Variants in ZNF516 observed in about 807,000 individuals in gnomAD.
ZNF516 encodes zinc finger protein 516.
A neutral mutation model predicts 79.7 loss-of-function variants in ZNF516; 19 were observed. The ratio of observed to expected loss-of-function variants is 0.24; its 90% CI spans 0.17 to 0.35. The LOEUF (loss-of-function observed/expected upper bound fraction) is 0.35. Among genes scored for constraint, ZNF516 ranks in the 10% least tolerant of loss-of-function variants. The pLI is 1.00. For synonymous variants in ZNF516, 877 were observed against 739.5 expected, an observed-to-expected ratio of 1.19 and a Z score of -3.02; for missense variants, 1,678 against 1,679.5, an observed-to-expected ratio of 1.00 and a Z score of 0.02.
chr18:76,473,355 CAA>C (rs35092154), intron 1 of ZNF516, among the ~76,000 whole-genome samples: 38,481 of 88,696 alleles, frequency 0.43, 3,637 homozygotes, highest in African/African-American at 0.52. Context: ...TTGCTCTCTG[CAA>C]AAAAAAAAAA....
At chr18:76,464,501 C>A (rs139910063) in intron 1 of ZNF516, among the ~76,000 whole-genome samples, 85 of 152,364 alleles carry the variant, frequency 5.6e-4, no homozygotes, top group African/African-American at 2.0e-3. Flanking sequence ...GTGCAGAGCC[C>A]CCAGACCTAT....
intron 3 of ZNF516, among the ~76,000 whole-genome samples, chr18:76,417,987 G>T (rs74641175): frequency 6.6e-6 from 1 of 152,058 alleles, no homozygotes; most frequent in African/African-American, 2.4e-5. Flanking sequence ...TAGCTTTTTC[G>T]GTAAAAATAA....
chr18:76,397,833 A>C (rs1365899546), intron 3 of ZNF516, among the ~76,000 whole-genome samples: 2 of 152,180 alleles, frequency 1.3e-5, no homozygotes, highest in African/African-American at 4.8e-5. Flanking sequence ...TCCTGGGCTC[A>C]AGTGATCCTC....
At chr18:76,389,810 C>T (rs1257276304) in intron 3 of ZNF516, among the ~76,000 whole-genome samples, 1 of 152,132 alleles carries the variant, frequency 6.6e-6, no homozygotes, top group African/African-American at 2.4e-5. Flanking sequence ...CTTACACAGC[C>T]ATCACTGCCC....
chr18:76,403,633 T>C (rs1330016457), intron 3 of ZNF516, among the ~76,000 whole-genome samples: 2 of 152,124 alleles, frequency 1.3e-5, no homozygotes, highest in African/African-American at 4.8e-5. Context: ...CACCCATGAA[T>C]CCACCATTCT....
intron 3 of ZNF516, among the ~76,000 whole-genome samples, chr18:76,404,288 G>A (rs142315616): frequency 3.0e-4 from 45 of 152,378 alleles, no homozygotes; most frequent in African/African-American, 1.0e-3. Context: ...GGGAGACGAC[G>A]TGATCCCACT....
At chr18:76,481,777 T>C (rs554301639) in intron 1 of ZNF516, among the ~76,000 whole-genome samples, 1 of 152,366 alleles carries the variant, frequency 6.6e-6, no homozygotes, top group African/African-American at 2.4e-5. Flanking sequence ...AACTAGTTAT[T>C]GAGGCATTTG....
intron 1 of ZNF516, among the ~76,000 whole-genome samples, chr18:76,475,481 C>T (rs955788877): frequency 1.3e-5 from 2 of 152,198 alleles, no homozygotes; most frequent in African/African-American, 2.4e-5. Context: ...CAAAATTCCA[C>T]CTCGGGGAAC....
chr18:76,494,110 T>G (rs1359480654), intron 1 of ZNF516, among the ~76,000 whole-genome samples: 1 of 152,184 alleles, frequency 6.6e-6, no homozygotes, highest in Non-Finnish European at 1.5e-5. Context: ...TGGTCCCTAA[T>G]TGCGGGGGTC....
chr18:76,434,200 T>C (rs1321817709), intron 3 of ZNF516, among the ~76,000 whole-genome samples: 1 of 149,920 alleles, frequency 6.7e-6, no homozygotes, highest in Non-Finnish European at 1.5e-5. Context: ...TCACTATTGA[T>C]AGATGAAATC....
intron 3 of ZNF516, among the ~76,000 whole-genome samples, chr18:76,401,418 G>A (rs551660678): frequency 3.9e-5 from 6 of 152,056 alleles, no homozygotes; most frequent in Admixed American, 6.5e-5. Flanking sequence ...CAACTGTTTC[G>A]CAGGAGCTCG....
intron 1 of ZNF516, among the ~76,000 whole-genome samples, chr18:76,486,686 G>GA (rs11464561): frequency 0.17 from 24,728 of 142,262 alleles, 2,674 homozygotes; most frequent in African/African-American, 0.33. Flanking sequence ...GGTTTTGAAG[G>GA]AAAAAAAAAA....
chr18:76,381,175 T>C (rs1454143715), intron 3 of ZNF516, among the ~76,000 whole-genome samples: 1 of 152,178 alleles, frequency 6.6e-6, no homozygotes, highest in Non-Finnish European at 1.5e-5. Flanking sequence ...ACAGCCGAGG[T>C]GTGGGCTGTG....
chr18:76,442,714 C>T lies in ZNF516; in HGVS notation c.341G>A (p.Cys114Tyr). 1 of 1,580,586 alleles carries T rather than the reference C, an allele frequency of 6.3e-7. No homozygotes were observed. The highest frequency in any genetic ancestry group is 8.6e-7 in the Non-Finnish European group (1 of 1,164,206). The change falls in exon 3 of 7, where the codon TGC (cysteine) becomes TAC (tyrosine). Residue 114 changes from cysteine to tyrosine, a missense_variant. Physicochemically the swap from Cys to Tyr is radical, Grantham distance 194 (BLOSUM62 -2). Coordinates refer to ENST00000443185, the MANE Select transcript of ZNF516 (RefSeq NM_014643.4). Reference protein sequence around the residue: ...EMRASEGLDACASPTKSASAC... With the variant: ...EMRASEGLDAYASPTKSASAC... The stretch of plus-strand genomic sequence containing the variant: ...CGAGGCGCTCTTGGTGGGGCTGGCG[C>T]AGGCGTCCAGGCCCTCGGAGGCGCG...
At position 76,360,646 on chromosome 18, in the gene ZNF516, A is replaced by AAAAT. The variant is rs373540251; in HGVS notation, c.*1851_*1852insATTT. Reference sequence around the variant, plus strand: ...AAAAAAATAAGTAAAAAAAAAAAAAAATATATATATATATATATATATATA... The same window carrying AAAAT: ...AAAAAAATAAGTAAAAAAAAAAAAAAAAATATATATATATATATATATATATATA... On this transcript the variant is annotated 3_prime_UTR_variant, in exon 7 of 7. Transcript: ENST00000443185. 72 of 72,452 alleles carry AAAAT rather than the reference A, an allele frequency of 9.9e-4. No homozygotes were observed. Among genetic ancestry groups the AAAAT allele is most frequent in the South Asian group, 4.5e-3 (9 of 1,986 alleles). 4.5% of individuals were successfully genotyped at this position (72,452 alleles called of 1,614,324 possible). A position where few individuals can be genotyped will look rare whatever the true frequency, so the allele number is the denominator to read the frequency against.
In ZNF516 at chr18:76,379,213, C is replaced by T. The variant is rs375441078; in HGVS notation, c.2901G>A (p.Lys967=). 3 of 1,612,860 alleles carry T rather than the reference C, an allele frequency of 1.9e-6. No individual in the cohort carries two copies. The highest frequency in any genetic ancestry group is 1.7e-6 in the Non-Finnish European group (2 of 1,179,746). ...CTTTCAGGGAGTCCGGGGCACTGTG[C>T]TTATTTGTGGGGGCAAAGCCAGCCC... ...PAGAGFAPTN[K]HSAPDSLKAK... The change falls in exon 4 of 7, where the codon AAG becomes AAA. Residue 967 remains lysine (K), a synonymous_variant. Transcript: ENST00000443185.
chr18:76,440,805 A>G (rs1199026949), intron 3 of ZNF516, among the ~76,000 whole-genome samples: 1 of 151,978 alleles, frequency 6.6e-6, no homozygotes, highest in African/African-American at 2.4e-5. Flanking sequence ...CTGGGTCTGA[A>G]GCAGAAAAAG....
chr18:76,371,125 C>T (rs763548668), intron 5 of ZNF516, among the ~76,000 whole-genome samples: 10 of 152,236 alleles, frequency 6.6e-5, no homozygotes, highest in Admixed American at 1.3e-4. Context: ...ACCAAGCCTA[C>T]GCTGTGCTAA....
chr18:76,418,263 T>C (rs1055105953), intron 3 of ZNF516, among the ~76,000 whole-genome samples: 2 of 151,862 alleles, frequency 1.3e-5, no homozygotes, highest in Non-Finnish European at 2.9e-5. Flanking sequence ...ACATACACCG[T>C]AACACACTAA....
Sources: gnomAD v4.1 joint callset for allele counts (sites outside exome capture counted in the v4.1 genomes callset) on GRCh38, gnomAD v4.1.1 for gene constraint, MANE v1.5 for transcripts, NCBI Gene and HGNC (gene_info 2026-07-23, HGNC 2026-07-21) for gene names.